DNAH1: variants seen among roughly 807,000 people sequenced by gnomAD.
DNAH1 encodes the protein axonemal beta dynein heavy chain 1.
A neutral mutation model predicts 484.3 loss-of-function variants in DNAH1; 327 were observed. That is an observed-to-expected ratio of 0.68 (90% CI 0.62 to 0.74). DNAH1 has a LOEUF of 0.74. Ranked by LOEUF, DNAH1 falls within the 30% of genes least tolerant of loss-of-function variation. The pLI is 0.00. For synonymous variants in DNAH1, 2,192 were observed against 2,191.9 expected (o/e 1.00, Z 0.00); for missense variants, 5,052 against 5,546.8 (o/e 0.91, Z 2.83).
Position 52,331,178 on chromosome 3 carries a change from A to C in DNAH1, c.902A>C (p.Lys301Thr). 6.2e-7 allele frequency: 1 copy of C among 1,602,914 alleles called. No individual in the cohort carries two copies. The highest frequency in any genetic ancestry group is 8.5e-7 in the Non-Finnish European group (1 of 1,174,630). The change falls in exon 7 of 78, where the codon AAA (lysine) becomes ACA (threonine). Residue 301 changes from lysine (K) to threonine (T), a missense_variant. Physicochemically the swap from Lys to Thr is moderately conservative, Grantham distance 78 (BLOSUM62 -1). Around this residue, in one of 4 missense-constraint regions of DNAH1, gnomAD observed 1,263 missense variants for 1,218.8 expected, o/e 1.04. Coordinates refer to ENST00000420323, the MANE Select transcript of DNAH1 (RefSeq NM_015512.5). ...CCCAAGAGTCAGAAGCTGAAGTACA[A>C]ATGGTGCGAGGTCGGCGTCCTGGAC... is the stretch of plus-strand genomic sequence containing the variant. ...EDPKSQKLKYKWCEVGVLDYD... is the reference protein window; with the variant it reads ...EDPKSQKLKYTWCEVGVLDYD...
chr3:52,328,371 C>T (rs557090537), intron 6 of DNAH1, among the ~76,000 whole-genome samples: 1 of 152,208 alleles, frequency 6.6e-6, no homozygotes, highest in Non-Finnish European at 1.5e-5. Context: ...GCAGCTCTAA[C>T]CATGGCCTCT....
At position 52,346,570 on chromosome 3, in the gene DNAH1, G is replaced by A. The variant is rs760329748; in HGVS notation, c.1755G>A (p.Glu585=). The A allele has an allele frequency of 1.2e-6, 2 of 1,614,060 alleles. No homozygotes were observed. Among genetic ancestry groups the A allele is most frequent in the Non-Finnish European group, 1.7e-6 (2 of 1,179,898 alleles). Residue 585 remains glutamate, a synonymous_variant, in exon 11 of 78, where the codon GAG becomes GAA. Transcript: ENST00000420323. ...DMSKGWYNLY[E]TNWEVYLMSK... ...GCAAGGGCTGGTACAACCTCTACGA[G>A]ACCAACTGGGAGGTGTACCTCATGT... is the stretch of plus-strand genomic sequence containing the variant.
intron 7 of DNAH1, 122 bp downstream of exon 7, chr3:52,331,431 C>T: frequency 2.5e-6 from 3 of 1,184,900 alleles, no homozygotes; most frequent in Non-Finnish European, 3.5e-6. Flanking sequence ...TCTGTTTGCC[C>T]AATGCCCTGA....
rs1032683714 is a variant in DNAH1 at position 52,380,112 on chromosome 3, G to A, written c.7585G>A (p.Glu2529Lys). The A allele has an allele frequency of 7.5e-6, 12 of 1,599,604 alleles. No individual in the cohort carries two copies. The highest frequency in any genetic ancestry group is 3.4e-5 in the South Asian group (3 of 88,298). ...ACCAGGCTCCGATGTCAAGTCCTAC[G>A]AGCTCATCACCAGTGAGAGTAAGGT... is the stretch of plus-strand genomic sequence containing the variant. Reference protein sequence around the residue: ...MSPGSDVKSYELITSESKMMQ... With the variant: ...MSPGSDVKSYKLITSESKMMQ... Residue 2529 changes from glutamate to lysine, a missense_variant, in exon 48 of 78, where the codon GAG becomes AAG. Glu to Lys is a moderately conservative substitution (Grantham distance 56). Around this residue, in one of 4 missense-constraint regions of DNAH1, gnomAD observed 2,929 missense variants for 3,409.4 expected, o/e 0.86. Transcript: ENST00000420323.
Position 52,349,231 on chromosome 3 carries a change from G to T in DNAH1, c.2337G>T (p.Val779=), listed in dbSNP as rs201723256. Residue 779 remains valine (V), a synonymous_variant, in exon 14 of 78, where the codon GTG becomes GTT. Transcript: ENST00000420323. ...YQTQGLLAQE[V]REVVLTHLRE... is the part of the protein sequence containing the mutation. ...CGCAGGGCCTGTTGGCCCAGGAGGT[G>T]CGGGAGGTAGTGCTCACCCACCTGC... 1.3e-4 allele frequency: 205 copies of T among 1,613,894 alleles called. No individual in the cohort carries two copies. The East Asian group carries it at 4.3e-3, about 34-fold the overall frequency.
At chr3:52,315,965 A>ACCGGAACCCAT (rs1700935574), upstream of DNAH1, among the ~76,000 whole-genome samples, 3 of 152,198 alleles carry the variant, frequency 2.0e-5, no homozygotes, top group African/African-American at 7.2e-5. Context: ...TGCTGGTAAA[A>ACCGGAACCCAT]GCAGCACCCC....
In DNAH1 at chr3:52,399,591, G is replaced by T; in HGVS notation, c.12488G>T (p.Gly4163Val). 1 of 1,613,876 alleles carries T rather than the reference G, an allele frequency of 6.2e-7. No individual in the cohort carries two copies. The highest frequency in any genetic ancestry group is 8.5e-7 in the Non-Finnish European group (1 of 1,179,822). The part of the protein sequence containing the change: ...PSELTQRPQV[G>V]CYIHGLFLEG... The stretch of plus-strand genomic sequence containing the variant: ...GAGTTAACACAAAGACCCCAAGTAG[G>T]GTGCTATATCCATGGATTATTCCTG... Residue 4163 changes from glycine (G) to valine (V), a missense_variant, in exon 77 of 78, where the codon GGG becomes GTG. Physicochemically the swap from Gly to Val is moderately radical, Grantham distance 109. Coordinates refer to ENST00000420323, the MANE Select transcript of DNAH1 (RefSeq NM_015512.5).
At chr3:52,393,262 A>G (rs1417184295) in intron 65 of DNAH1, 72 bp from the exon 66 acceptor site, 1 of 1,595,668 alleles carries the variant, frequency 6.3e-7, no homozygotes, top group East Asian at 2.2e-5. Flanking sequence ...GAGACTGGCT[A>G]GGCTGGGCTG....
intron 50 of DNAH1, among the ~76,000 whole-genome samples, chr3:52,382,694 G>A (rs1253888418): frequency 6.6e-6 from 1 of 152,202 alleles, no homozygotes; most frequent in Non-Finnish European, 1.5e-5. Context: ...AGGTAAAGAA[G>A]GCCCTGGTAG....
Position 52,362,912 on chromosome 3 carries a change from G to A in DNAH1, c.5095-83G>A, listed in dbSNP as rs1702921204. On this transcript the variant is annotated intron_variant, in intron 31 of 77. Transcript: ENST00000420323. The surrounding 1 kb of genome is among the most constrained non-coding windows in gnomAD (Gnocchi z 5.1). The stretch of plus-strand genomic sequence containing the variant: ...TTGGTGCAGCAGGGAGTCCCAGCGT[G>A]TTAGGGAGGAGGGCCGGATGAAGCT... 2.5e-6 allele frequency: 4 copies of A among 1,583,780 alleles called. No individual in the cohort carries two copies. The South Asian group carries it at 3.4e-5, about 13-fold the overall frequency.
At position 52,353,624 on chromosome 3, in the gene DNAH1, C is replaced by T; in HGVS notation, c.3471C>T (p.Ala1157=). 2 of 1,588,462 alleles carry T rather than the reference C, an allele frequency of 1.3e-6. No homozygotes were observed. Among genetic ancestry groups the T allele is most frequent in the Non-Finnish European group, 1.7e-6 (2 of 1,168,972 alleles). The change falls in exon 20 of 78, where the codon GCC becomes GCT. Residue 1157 remains alanine, a synonymous_variant. Coordinates refer to ENST00000420323, the MANE Select transcript of DNAH1 (RefSeq NM_015512.5). The surrounding 1 kb of genome is among the most constrained non-coding windows in gnomAD (Gnocchi z 5.0). ...KVAEVAGKEY[A]IEQALDKMEK... ...CTGAGGTGGCTGGCAAGGAGTACGC[C>T]ATCGAGCAGGTGGGTAGCCACCAGC...
Position 52,322,658 on chromosome 3 carries a change from A to G in DNAH1, c.216A>G (p.Ser72=). The G allele has an allele frequency of 6.2e-7, 1 of 1,613,846 alleles. No individual in the cohort carries two copies. Among genetic ancestry groups the G allele is most frequent in the East Asian group, 2.2e-5 (1 of 44,888 alleles). The change falls in exon 2 of 78, where the codon TCA becomes TCG. Residue 72 remains serine, a synonymous_variant. Transcript: ENST00000420323. ...TGCCCCCGGCCCCACCCACACTCTC[A>G]GACTTGGGGCAGCCACGGAAGTCAC... is the stretch of plus-strand genomic sequence containing the variant. The part of the protein sequence containing the change: ...LPLPPAPPTL[S]DLGQPRKSPL...
intron 7 of DNAH1, 123 bp downstream of exon 7, chr3:52,331,432 A>G: frequency 1.7e-6 from 2 of 1,186,788 alleles, no homozygotes; most frequent in South Asian, 3.2e-5. Flanking sequence ...CTGTTTGCCC[A>G]ATGCCCTGAC....
intron 27 of DNAH1, 52 bp from the exon 28 acceptor site, chr3:52,360,259 G>T: frequency 6.4e-7 from 1 of 1,553,030 alleles, no homozygotes; most frequent in Non-Finnish European, 8.9e-7. Flanking sequence ...TATATACCCT[G>T]CCCAGTGGCC....
chr3:52,384,504 C>T (rs1704009456), intron 52 of DNAH1, among the ~76,000 whole-genome samples: 2 of 152,182 alleles, frequency 1.3e-5, no homozygotes, highest in South Asian at 2.1e-4. Context: ...ACCACTGGGC[C>T]AAGAGCTGGG....
At chr3:52,377,708 A>G (rs1025751292) in intron 46 of DNAH1, among the ~76,000 whole-genome samples, 6 of 150,994 alleles carry the variant, frequency 4.0e-5, no homozygotes, top group Non-Finnish European at 5.9e-5. Context: ...GCCTGGGACA[A>G]TTTTTCTCCA....
chr3:52,349,503 A>T, intron 14 of DNAH1, 83 bp downstream of exon 14: 4 of 1,337,142 alleles, frequency 3.0e-6, no homozygotes, highest in Non-Finnish European at 4.2e-6. Flanking sequence ...ACATGGCAAG[A>T]TGTCCCCAAG....
At chr3:52,378,897 T>C in intron 47 of DNAH1, 117 bp downstream of exon 47, 1 of 1,370,926 alleles carries the variant, frequency 7.3e-7, no homozygotes, top group Non-Finnish European at 1.0e-6. Context: ...TCCTGGAACA[T>C]GGAGGTGCCA....
chr3:52,391,793 T>G (rs1704402619), intron 63 of DNAH1, among the ~76,000 whole-genome samples, 190 bp downstream of exon 63: 1 of 152,152 alleles, frequency 6.6e-6, no homozygotes. Context: ...CACTACTGTT[T>G]CCACCTAAGA....
Sources: gnomAD v4.1 joint callset for allele counts (sites outside exome capture counted in the v4.1 genomes callset) on GRCh38, gnomAD v4.1.1 for gene constraint, gnomAD v4.1.1 regional missense constraint, Gnocchi (gnomAD v3.1) non-coding constraint, MANE v1.5 for transcripts, NCBI Gene and HGNC (gene_info 2026-07-23, HGNC 2026-07-21) for gene names.